The following PLA2G4C variants were observed in gnomAD, a reference collection of about 807,000 sequenced individuals.
The protein encoded by PLA2G4C is cytosolic phospholipase A2 gamma.
In PLA2G4C, 64 loss-of-function variants were observed where a neutral mutation model predicts 73.8. That is an observed-to-expected ratio of 0.87 (90% CI 0.71 to 1.07). PLA2G4C has a LOEUF of 1.07. Among genes scored for constraint, PLA2G4C ranks in the 50% least tolerant of loss-of-function variants. The pLI, the probability that PLA2G4C is intolerant of heterozygous loss-of-function variation, is 0.00. For missense variants in PLA2G4C, 622 were observed against 665.4 expected (o/e 0.93, Z 0.72); for synonymous variants, 254 against 252.1 (o/e 1.01, Z -0.07).
chr19:48,100,712 A>T (rs71355798), intron 4 of PLA2G4C, among the ~76,000 whole-genome samples: 4 of 150,336 alleles, frequency 2.7e-5, no homozygotes, highest in Non-Finnish European at 5.9e-5. Context: ...GATCGAGACC[A>T]TCCTGGCTAA....
intron 4 of PLA2G4C, among the ~76,000 whole-genome samples, chr19:48,101,104 C>CTATATATA (rs869065676): frequency 6.2e-4 from 64 of 103,348 alleles, no homozygotes; most frequent in African/African-American, 1.4e-3. Context: ...CACATAGAGT[C>CTATATATA]TATATATATA....
Position 48,110,561 on chromosome 19 carries a change from T to TCCGGAATCCGGTGCGGAGGCTTGGGCG in PLA2G4C, c.-108_-107insCGCCCAAGCCTCCGCACCGGATTCCGG, listed in dbSNP as rs1568461755. The TCCGGAATCCGGTGCGGAGGCTTGGGCG allele has an allele frequency of 1.4e-6, 2 of 1,473,442 alleles. No individual in the cohort carries two copies. The highest frequency in any genetic ancestry group is 1.3e-5 in the South Asian group (1 of 79,248). 91.3% of individuals were successfully genotyped at this position (1,473,442 alleles called of 1,614,324 possible). The stretch of plus-strand genomic sequence containing the variant: ...CGGAATCCGGTGCGGAGGCTTGGGC[T>TCCGGAATCCGGTGCGGAGGCTTGGGCG]CCCTGCGCTTAGCGGTGTAGTCGCT... On this transcript the variant is annotated 5_prime_UTR_variant, in exon 1 of 17. Coordinates refer to ENST00000599921, the MANE Select transcript of PLA2G4C (RefSeq NM_003706.3).
At chr19:48,102,171 T>G (rs1485246461) in intron 4 of PLA2G4C, among the ~76,000 whole-genome samples, 2 of 152,172 alleles carry the variant, frequency 1.3e-5, no homozygotes, top group East Asian at 3.9e-4. Context: ...ACTGTTTCTT[T>G]TTACCTTCTT....
At chr19:48,065,277 C>T (rs367841766) in intron 13 of PLA2G4C, among the ~76,000 whole-genome samples, 3 of 70,516 alleles carry the variant, frequency 4.3e-5, no homozygotes, top group East Asian at 6.1e-4. Flanking sequence ...GAGGAGGGGT[C>T]GGGGGGGGGC....
chr19:48,091,862 A>C (rs1654384), intron 7 of PLA2G4C, among the ~76,000 whole-genome samples: 11,938 of 129,992 alleles, frequency 0.092, 1,176 homozygotes, highest in African/African-American at 0.26. Flanking sequence ...CCAGCCTGGG[A>C]GACAGAGTGA....
chr19:48,059,341 C>G (rs1020060453), intron 14 of PLA2G4C, among the ~76,000 whole-genome samples: 8 of 151,912 alleles, frequency 5.3e-5, no homozygotes, highest in African/African-American at 1.5e-4. Context: ...TCATCTCATG[C>G]AATATGTCAA....
intron 14 of PLA2G4C, among the ~76,000 whole-genome samples, chr19:48,057,686 C>T (rs1427135724): frequency 2.7e-5 from 4 of 149,810 alleles, no homozygotes; most frequent in African/African-American, 4.9e-5. Context: ...GACAGGGTTT[C>T]GCCATGTTGG....
In PLA2G4C at chr19:48,067,870, C is replaced by G. The variant is rs766451509; in HGVS notation, c.1023G>C (p.Leu341Phe). 2 of 1,613,316 alleles carry G rather than the reference C, an allele frequency of 1.2e-6. No homozygotes were observed. The highest frequency in any genetic ancestry group is 2.2e-5 in the East Asian group (1 of 44,878). Residue 341 changes from leucine to phenylalanine, a missense_variant, in exon 13 of 17, where the codon TTG becomes TTC. Coordinates refer to ENST00000599921, the MANE Select transcript of PLA2G4C (RefSeq NM_003706.3). ...TGCCTGTTTTCTTCACAAAATCCATCAAGTTACTGAGTGAGCCTAGGGAAA... is the reference window on the plus strand; with the variant it reads ...TGCCTGTTTTCTTCACAAAATCCATGAAGTTACTGAGTGAGCCTAGGGAAA... ...DPERKGSLSN[L>F]MDFVKKTGIC...
chr19:48,054,411 C>A (rs1281166091), intron 15 of PLA2G4C, among the ~76,000 whole-genome samples: 1 of 152,110 alleles, frequency 6.6e-6, no homozygotes, highest in Non-Finnish European at 1.5e-5. Context: ...TCAAGCGATT[C>A]TCCTGCCTCA....
intron 11 of PLA2G4C, among the ~76,000 whole-genome samples, chr19:48,077,445 T>A (rs535105737): frequency 2.0e-5 from 3 of 152,168 alleles, no homozygotes; most frequent in Admixed American, 6.6e-5. Context: ...AAATCATAGA[T>A]GACACAAACA....
intron 4 of PLA2G4C, among the ~76,000 whole-genome samples, chr19:48,101,336 T>C (rs2031912258): frequency 6.6e-6 from 1 of 151,310 alleles, no homozygotes; most frequent in Non-Finnish European, 1.5e-5. Context: ...AGTCTCACTA[T>C]GTTGCCCACG....
intron 12 of PLA2G4C, among the ~76,000 whole-genome samples, chr19:48,069,592 G>A (rs1968581154): frequency 6.6e-6 from 1 of 151,944 alleles, no homozygotes; most frequent in Non-Finnish European, 1.5e-5. Context: ...ATGCAACACT[G>A]CCTCCCCCTC....
chr19:48,068,453 T>C (rs1274835068), intron 12 of PLA2G4C, among the ~76,000 whole-genome samples: 1 of 150,086 alleles, frequency 6.7e-6, no homozygotes, highest in Non-Finnish European at 1.5e-5. Context: ...GAAGCCGAGG[T>C]GGGAGGATTG....
chr19:48,100,933 A>G (rs896439270), intron 4 of PLA2G4C, among the ~76,000 whole-genome samples: 1 of 148,906 alleles, frequency 6.7e-6, no homozygotes, highest in Non-Finnish European at 1.5e-5. Flanking sequence ...AAAAAAAAGA[A>G]AAAAAAGACT....
chr19:48,088,586 A>G (rs1273573447), intron 9 of PLA2G4C, 100 bp downstream of exon 9: 1 of 821,070 alleles, frequency 1.2e-6, no homozygotes, highest in African/African-American at 1.7e-5. Context: ...ATGGGCACCA[A>G]ATGAATCATA....
Position 48,077,781 on chromosome 19 carries a change from A to G in PLA2G4C, c.888T>C (p.Pro296=). The G allele has an allele frequency of 6.2e-7, 1 of 1,605,232 alleles. No homozygotes were observed. Among genetic ancestry groups the G allele is most frequent in the East Asian group, 2.3e-5 (1 of 44,202 alleles). The change falls in exon 11 of 17, where the codon CCT becomes CCC. Residue 296 remains proline (P), a synonymous_variant. Coordinates refer to ENST00000599921, the MANE Select transcript of PLA2G4C (RefSeq NM_003706.3). ...AAGTAGGATGCTTACCTTCTGGGGG[A>G]GGATGTTCCCCTTGTGAACTTTCTT... is the stretch of plus-strand genomic sequence containing the variant. ...RLQESSQGEH[P]PPEDEGGEPE...
chr19:48,075,208 G>C (rs2030066065), intron 11 of PLA2G4C, among the ~76,000 whole-genome samples: 1 of 150,292 alleles, frequency 6.7e-6, no homozygotes. Context: ...ATTTGAGACA[G>C]AGTATTGCTC....
At chr19:48,053,472 C>T (rs111306788) in intron 15 of PLA2G4C, among the ~76,000 whole-genome samples, 5 of 149,470 alleles carry the variant, frequency 3.3e-5, no homozygotes, top group Admixed American at 1.4e-4. Flanking sequence ...TAGATTCAAG[C>T]GATTCTCCTG....
At chr19:48,100,071 A>C (rs919442505) in intron 4 of PLA2G4C, 2 of 473,278 alleles carry the variant, frequency 4.2e-6, no homozygotes, top group Non-Finnish European at 7.4e-6. Context: ...CAATCCTTCC[A>C]TTTCACAGGC....
Sources: gnomAD v4.1 joint callset for allele counts (sites outside exome capture counted in the v4.1 genomes callset) on GRCh38, gnomAD v4.1.1 for gene constraint, MANE v1.5 for transcripts, NCBI Gene and HGNC (gene_info 2026-07-23, HGNC 2026-07-21) for gene names.